The following ZFAND6 variants were observed in gnomAD, a reference collection of about 807,000 sequenced individuals.
ZFAND6 encodes the protein zinc finger AN1-type containing 6.
A neutral mutation model predicts 24.5 loss-of-function variants in ZFAND6; 12 were observed. That is an observed-to-expected ratio of 0.49 (90% CI 0.31 to 0.79). The LOEUF (loss-of-function observed/expected upper bound fraction) is 0.79, where lower values mean the gene tolerates loss of function less well. Among genes scored for constraint, ZFAND6 ranks in the 30% least tolerant of loss-of-function variants. The pLI is 0.04. For missense variants in ZFAND6, 207 were observed against 245.9 expected (o/e 0.84, Z 1.06); for synonymous variants, 92 against 81.5 (o/e 1.13, Z -0.69).
chr15:80,088,112 G>T (rs1388697320), intron 1 of ZFAND6, among the ~76,000 whole-genome samples: 3 of 152,034 alleles, frequency 2.0e-5, no homozygotes, highest in African/African-American at 7.3e-5. Flanking sequence ...TTTGTCAGTT[G>T]TCTCAACAAT....
In ZFAND6 at chr15:80,131,249, A is replaced by C. The variant is rs1483489309; in HGVS notation, c.434A>C (p.Lys145Thr). The change falls in exon 6 of 7, where the codon AAA (lysine) becomes ACA (threonine). Residue 145 changes from lysine to threonine, a missense_variant. Lys to Thr is a moderately conservative substitution (Grantham distance 78). Transcript: ENST00000261749. ...AAGTCTCTTGAAAAACCGAAACAAA[A>C]AAAGAATCGCTGTTTCATGTGCAGG... ...QSKSLEKPKQKKNRCFMCRKK... is the reference protein window; with the variant it reads ...QSKSLEKPKQTKNRCFMCRKK... The C allele has an allele frequency of 1.9e-6, 3 of 1,613,076 alleles. No individual in the cohort carries two copies. The South Asian group carries it at 3.3e-5, about 18-fold the overall frequency.
intron 1 of ZFAND6, among the ~76,000 whole-genome samples, chr15:80,077,689 TTTTC>T (rs1410364014): frequency 7.6e-6 from 1 of 130,934 alleles, no homozygotes; most frequent in South Asian, 2.6e-4. Context: ...TAGGAGTGAG[TTTTC>T]TTTCTTTTTT....
chr15:80,119,579 CT>C, intron 2 of ZFAND6, among the ~76,000 whole-genome samples: 1 of 93,274 alleles, frequency 1.1e-5, no homozygotes, highest in African/African-American at 3.2e-5. Flanking sequence ...ATATATCATG[CT>C]TTTTTAAAAA....
intron 1 of ZFAND6, among the ~76,000 whole-genome samples, chr15:80,061,684 A>G (rs12903445): frequency 0.54 from 82,243 of 152,052 alleles, 24,591 homozygotes; most frequent in Non-Finnish European, 0.68. Flanking sequence ...GCCATAACTT[A>G]TGGGCACTTC....
At chr15:80,097,092 C>T (rs564999214) in intron 1 of ZFAND6, among the ~76,000 whole-genome samples, 1 of 151,616 alleles carries the variant, frequency 6.6e-6, no homozygotes, top group Non-Finnish European at 1.5e-5. Flanking sequence ...CTCCACCTCC[C>T]AGGTTCAAGT....
At chr15:80,079,499 C>T (rs1222975507) in intron 1 of ZFAND6, among the ~76,000 whole-genome samples, 4 of 151,766 alleles carry the variant, frequency 2.6e-5, no homozygotes, top group African/African-American at 9.7e-5. Context: ...GGATTACAGG[C>T]GTGAGCCACC....
chr15:80,117,210 A>T (rs941613356), intron 2 of ZFAND6, among the ~76,000 whole-genome samples: 1 of 152,106 alleles, frequency 6.6e-6, no homozygotes, highest in African/African-American at 2.4e-5. Context: ...CATTTACAAA[A>T]ATATCTACTG....
chr15:80,100,860 T>C (rs909287798), intron 2 of ZFAND6, among the ~76,000 whole-genome samples: 2 of 152,218 alleles, frequency 1.3e-5, no homozygotes, highest in African/African-American at 2.4e-5. Flanking sequence ...CTGTCCCTTC[T>C]AACATCTCTG....
At chr15:80,061,239 G>C (rs1308769630) in intron 1 of ZFAND6, among the ~76,000 whole-genome samples, 1 of 152,098 alleles carries the variant, frequency 6.6e-6, no homozygotes, top group Non-Finnish European at 1.5e-5. Flanking sequence ...AAAATACAGG[G>C]GTCGGTGGAT....
chr15:80,076,021 C>G (rs1236709427), intron 1 of ZFAND6, among the ~76,000 whole-genome samples: 1 of 152,066 alleles, frequency 6.6e-6, no homozygotes, highest in Admixed American at 6.6e-5. Context: ...ATGATACTGT[C>G]TGTGCTTTCC....
At chr15:80,130,281 T>A (rs1167673685) in intron 5 of ZFAND6, 4 of 152,056 alleles carry the variant, frequency 2.6e-5, no homozygotes, top group Non-Finnish European at 5.9e-5. Flanking sequence ...AGGACCTAGA[T>A]CAAATGGGGA....
chr15:80,066,245 T>C (rs1201637465), intron 1 of ZFAND6, among the ~76,000 whole-genome samples: 1 of 151,910 alleles, frequency 6.6e-6, no homozygotes, highest in Non-Finnish European at 1.5e-5. Flanking sequence ...TCTCTGAGGA[T>C]GTCATGTTTA....
chr15:80,108,771 C>G (rs2039464506), intron 2 of ZFAND6, among the ~76,000 whole-genome samples: 1 of 151,662 alleles, frequency 6.6e-6, no homozygotes, highest in African/African-American at 2.4e-5. Flanking sequence ...CACTCTGTTG[C>G]CCAGGCTGGA....
chr15:80,090,272 C>T (rs574920553), intron 1 of ZFAND6, among the ~76,000 whole-genome samples: 1 of 152,208 alleles, frequency 6.6e-6, no homozygotes, highest in Non-Finnish European at 1.5e-5. Context: ...GACCAGTGAC[C>T]ACAACTCTGT....
intron 1 of ZFAND6, among the ~76,000 whole-genome samples, chr15:80,089,621 T>A (rs2038224267): frequency 6.6e-6 from 1 of 152,136 alleles, no homozygotes; most frequent in South Asian, 2.1e-4. Context: ...ATGTAATCTC[T>A]GCCTTCTAGC....
intron 1 of ZFAND6, among the ~76,000 whole-genome samples, chr15:80,079,284 G>C (rs575863886): frequency 6.7e-6 from 1 of 149,648 alleles, no homozygotes; most frequent in African/African-American, 2.5e-5. Context: ...GCAGTGGCGC[G>C]ATCTCGGCTC....
Position 80,103,532 on chromosome 15 carries a change from C to T in ZFAND6, c.-18+4954C>T, listed in dbSNP as rs1039764336. On this transcript the variant is annotated intron_variant, in intron 2 of 6. Transcript: ENST00000261749. ...GTGTTCATGGTATAGTATATCAGCCCGACCTCAGATTGGCTTACTGTTGAG... is the reference window on the plus strand; with the variant it reads ...GTGTTCATGGTATAGTATATCAGCCTGACCTCAGATTGGCTTACTGTTGAG... 5.9e-5 allele frequency among the ~76,000 whole-genome samples: 9 copies of T among 152,230 alleles called. No individual in the cohort carries two copies. In the East Asian group the frequency reaches 9.6e-4, roughly 16 times the overall value.
chr15:80,118,197 C>G (rs2039980263), intron 2 of ZFAND6, among the ~76,000 whole-genome samples: 1 of 152,152 alleles, frequency 6.6e-6, no homozygotes, highest in South Asian at 2.1e-4. Flanking sequence ...TCCCGGCTCA[C>G]TGCAACCTCC....
chr15:80,127,619 T>C (rs1305673715), intron 5 of ZFAND6, among the ~76,000 whole-genome samples: 1 of 138,844 alleles, frequency 7.2e-6, no homozygotes, highest in South Asian at 2.3e-4. Context: ...AAAAAAACCA[T>C]GCTCAACTTC....
Sources: allele counts gnomAD v4.1 joint callset (sites outside exome capture counted in the v4.1 genomes callset), GRCh38; gene constraint gnomAD v4.1.1; transcripts MANE v1.5; gene names NCBI Gene and HGNC (gene_info 2026-07-23, HGNC 2026-07-21).